Variants in PDIA5 observed in about 807,000 individuals in gnomAD.
PDIA5 encodes protein disulfide-isomerase A5.
PDIA5 carries 58 observed loss-of-function variants against 77.6 expected under a neutral mutation model. The observed-to-expected ratio is 0.75, with a 90% CI of 0.61 to 0.93. The LOEUF is 0.93. Among genes scored for constraint, PDIA5 ranks in the 40% least tolerant of loss-of-function variants. The pLI is 0.00. For missense variants in PDIA5, 630 were observed against 647.7 expected (o/e 0.97, Z 0.30); for synonymous variants, 250 against 252.1 (o/e 0.99, Z 0.08).
chr3:123,080,181 G>T (rs1933963258), intron 1 of PDIA5, among the ~76,000 whole-genome samples: 1 of 152,056 alleles, frequency 6.6e-6, no homozygotes, highest in Non-Finnish European at 1.5e-5. Flanking sequence ...CATTTCTAAT[G>T]AGGAGCCCTC....
chr3:123,098,078 C>T (rs1458056559), intron 3 of PDIA5, among the ~76,000 whole-genome samples: 2 of 152,036 alleles, frequency 1.3e-5, no homozygotes, highest in Non-Finnish European at 2.9e-5. Context: ...CATCTTTTGC[C>T]CCAGGTTCTG....
At chr3:123,070,622 C>T (rs576896324) in intron 1 of PDIA5, among the ~76,000 whole-genome samples, 2 of 152,248 alleles carry the variant, frequency 1.3e-5, no homozygotes, top group Admixed American at 1.3e-4. Flanking sequence ...TGCTCCTGGA[C>T]ACAGGGGCAG....
At chr3:123,100,142 C>T (rs139815950) in intron 3 of PDIA5, among the ~76,000 whole-genome samples, 10 of 152,270 alleles carry the variant, frequency 6.6e-5, no homozygotes, top group East Asian at 3.9e-4. Flanking sequence ...CAAAGGCCAG[C>T]GAGGAAGGTG....
chr3:123,125,737 G>A (rs574520197), intron 10 of PDIA5, among the ~76,000 whole-genome samples: 10 of 152,198 alleles, frequency 6.6e-5, no homozygotes, highest in African/African-American at 2.4e-4. Flanking sequence ...GCCTACTCTC[G>A]GGAGATAAGG....
intron 15 of PDIA5, 54 bp from the exon 16 acceptor site, chr3:123,161,267 C>T: frequency 6.3e-7 from 1 of 1,582,980 alleles, no homozygotes; most frequent in Non-Finnish European, 8.6e-7. Context: ...GTTGTGGGGT[C>T]CAGGCCTCAG....
intron 11 of PDIA5, 150 bp downstream of exon 11, chr3:123,130,766 G>A: frequency 1.2e-6 from 1 of 807,716 alleles, no homozygotes; most frequent in Non-Finnish European, 2.0e-6. Context: ...GACAGGCGAG[G>A]TCCCCACCCT....
chr3:123,120,850 G>A (rs993169453), intron 8 of PDIA5, among the ~76,000 whole-genome samples: 2 of 151,240 alleles, frequency 1.3e-5, no homozygotes, highest in African/African-American at 4.9e-5. Context: ...TCTTCCTCAT[G>A]CACCCTTCAT....
intron 14 of PDIA5, among the ~76,000 whole-genome samples, chr3:123,152,003 T>TCCTG (rs1190899829): frequency 1.6e-4 from 16 of 101,964 alleles, no homozygotes; most frequent in African/African-American, 1.1e-3. Context: ...CTGCCTTCCT[T>TCCTG]CCTTCCTTCC....
intron 8 of PDIA5, among the ~76,000 whole-genome samples, chr3:123,121,210 C>T (rs1935112398): frequency 6.6e-6 from 1 of 152,216 alleles, no homozygotes; most frequent in African/African-American, 2.4e-5. Context: ...CTCCAGTTCC[C>T]CATCCCGGGA....
At chr3:123,102,922 ATTCT>A in intron 5 of PDIA5, 126 bp downstream of exon 5, 2 of 715,602 alleles carry the variant, frequency 2.8e-6, no homozygotes, top group Non-Finnish European at 5.2e-6. Context: ...GACCTGAGAG[ATTCT>A]TATCTCTAGA....
At chr3:123,100,197 A>G (rs1576442389) in intron 3 of PDIA5, among the ~76,000 whole-genome samples, 1 of 152,242 alleles carries the variant, frequency 6.6e-6, no homozygotes, top group East Asian at 1.9e-4. Flanking sequence ...CCTGTGTCCC[A>G]GGGAATTAAC....
chr3:123,095,172 C>T (rs1560508979), intron 3 of PDIA5, among the ~76,000 whole-genome samples: 1 of 152,298 alleles, frequency 6.6e-6, no homozygotes, highest in African/African-American at 2.4e-5. Flanking sequence ...CAGCGATATG[C>T]GTTCTGCCTT....
At chr3:123,135,674 A>G (rs937595424) in intron 11 of PDIA5, among the ~76,000 whole-genome samples, 21 of 150,354 alleles carry the variant, frequency 1.4e-4, no homozygotes, top group African/African-American at 5.1e-4. Flanking sequence ...TAGAAAATCT[A>G]GAAGGTATAG....
In PDIA5 at chr3:123,126,348, G is replaced by A. The variant is rs113298750; in HGVS notation, c.773+2005G>A. ...CACTTCCTACTTCCCCCCATCCCCC[G>A]CTGTGGGAGAGAAGGAGCTCTTGTT... On this transcript the variant is annotated intron_variant, in intron 10 of 16. Transcript: ENST00000316218. Among the ~76,000 whole-genome samples, 40 of 151,366 alleles carry A rather than the reference G, an allele frequency of 2.6e-4. No individual in the cohort carries two copies. In the South Asian group the frequency reaches 6.3e-3, roughly 24 times the overall value.
At chr3:123,112,445 C>T (rs367732263) in intron 7 of PDIA5, among the ~76,000 whole-genome samples, 5 of 151,788 alleles carry the variant, frequency 3.3e-5, no homozygotes, top group African/African-American at 9.7e-5. Flanking sequence ...GCCCCCCAGC[C>T]GGATGCCCCT....
intron 7 of PDIA5, among the ~76,000 whole-genome samples, chr3:123,114,770 CTCTTA>C (rs1445852778): frequency 6.6e-6 from 1 of 152,208 alleles, no homozygotes; most frequent in African/African-American, 2.4e-5. Flanking sequence ...GGAGAGGTGC[CTCTTA>C]TCTTCTGAGG....
rs759200264 is a variant in PDIA5 at position 123,124,235 on chromosome 3, C to T, written c.702-37C>T. 249 of 1,586,618 alleles carry T rather than the reference C, an allele frequency of 1.6e-4. 2 individuals carry two copies. Among genetic ancestry groups the T allele is most frequent in the South Asian group, 1.3e-3 (119 of 90,594 alleles). ...ATAATCTCAGGGTGGCATTTGCATC[C>T]GTGACTGAGCCCACGTTGTTTCTCC... On this transcript the variant is annotated intron_variant, in intron 9 of 16. Transcript: ENST00000316218.
At chr3:123,131,184 T>C (rs1449561086) in intron 11 of PDIA5, among the ~76,000 whole-genome samples, 6 of 152,116 alleles carry the variant, frequency 3.9e-5, no homozygotes, top group Admixed American at 3.9e-4. Flanking sequence ...GTGGGAGGAT[T>C]GCTTGAGCCT....
intron 11 of PDIA5, among the ~76,000 whole-genome samples, chr3:123,143,187 C>T (rs896247007): frequency 1.9e-4 from 29 of 151,886 alleles, no homozygotes; most frequent in Admixed American, 1.6e-3. Context: ...AGATCGAGAC[C>T]ATCCTGGCTA....
Sources: allele counts gnomAD v4.1 joint callset (sites outside exome capture counted in the v4.1 genomes callset), GRCh38; gene constraint gnomAD v4.1.1; transcripts MANE v1.5; gene names NCBI Gene and HGNC (gene_info 2026-07-23, HGNC 2026-07-21).